Variants in ATP8B4 observed in about 807,000 individuals in gnomAD.
The protein encoded by ATP8B4 is ATPase phospholipid transporting 8B4 (putative), also known as probable phospholipid-transporting ATPase IM.
ATP8B4 carries 133 observed loss-of-function variants against 145.6 expected under a neutral mutation model. The observed-to-expected ratio is 0.91, with a 90% CI of 0.79 to 1.05. The LOEUF (loss-of-function observed/expected upper bound fraction) is 1.05. Ranked by LOEUF, ATP8B4 falls within the 50% of genes least tolerant of loss-of-function variation. The pLI is 0.00. For missense variants in ATP8B4, 1,458 were observed against 1,425.2 expected, an observed-to-expected ratio of 1.02 and a Z score of -0.37; for synonymous variants, 507 against 492.9, an observed-to-expected ratio of 1.03 and a Z score of -0.38.
At chr15:49,967,568 T>G (rs1020421413) in intron 13 of ATP8B4, among the ~76,000 whole-genome samples, 8 of 151,832 alleles carry the variant, frequency 5.3e-5, no homozygotes, top group African/African-American at 1.9e-4. Flanking sequence ...AAGAAAAGAT[T>G]AGAGAAAAAA....
chr15:49,928,085 C>G (rs1002934844), intron 16 of ATP8B4, among the ~76,000 whole-genome samples: 6 of 152,060 alleles, frequency 3.9e-5, no homozygotes, highest in Non-Finnish European at 7.4e-5. Context: ...TTATAGAAAA[C>G]TTATCATGTG....
intron 9 of ATP8B4, among the ~76,000 whole-genome samples, chr15:49,989,956 A>G (rs2046923690): frequency 6.6e-6 from 1 of 152,206 alleles, no homozygotes; most frequent in Non-Finnish European, 1.5e-5. Context: ...AGAGATGGAT[A>G]GAAAAAATTT....
intron 1 of ATP8B4, 106 bp from the exon 2 acceptor site, chr15:50,107,114 C>T: frequency 1.6e-6 from 1 of 620,260 alleles, no homozygotes; most frequent in Non-Finnish European, 2.6e-6. Context: ...TAGGAAGTCA[C>T]TGACACAGGA....
chr15:49,900,407 T>C (rs1212238850), intron 21 of ATP8B4, among the ~76,000 whole-genome samples: 2 of 152,214 alleles, frequency 1.3e-5, no homozygotes, highest in Admixed American at 1.3e-4. Context: ...CAGAGAAAGA[T>C]GTGAGATTAA....
intron 6 of ATP8B4, among the ~76,000 whole-genome samples, chr15:50,021,405 A>G (rs1257897169): frequency 6.6e-6 from 1 of 152,150 alleles, no homozygotes; most frequent in Non-Finnish European, 1.5e-5. Context: ...ATTCTCTATC[A>G]CTACCTCTAG....
At position 49,876,304 on chromosome 15, in the gene ATP8B4, A is replaced by G; in HGVS notation, c.3001T>C (p.Ser1001Pro). ...YQSFAVTMATSLVIVVSVQIA... is the reference protein window; with the variant it reads ...YQSFAVTMATPLVIVVSVQIA... ...TGCACACTGACCACAATGACCAAAG[A>G]TGTGGCCATGGTAACTGCAAAGGAC... The change falls in exon 25 of 28, where the codon TCT (serine) becomes CCT (proline). Residue 1001 changes from serine to proline, a missense_variant. Physicochemically the swap from Ser to Pro is moderately conservative, Grantham distance 74. Transcript: ENST00000284509. The G allele has an allele frequency of 6.2e-7, 1 of 1,614,082 alleles. No homozygotes were observed. Among genetic ancestry groups the G allele is most frequent in the Non-Finnish European group, 8.5e-7 (1 of 1,179,964 alleles).
rs542452530 is a variant in ATP8B4 at position 49,871,669 on chromosome 15, C to T, written c.3027+4609G>A. Among the ~76,000 whole-genome samples the T allele has an allele frequency of 1.6e-4, 24 of 152,308 alleles. No individual in the cohort carries two copies. The South Asian group carries it at 4.8e-3, about 30-fold the overall frequency. ...CTTCCTTTGCTCAATTTCAACCTCT[C>T]TCCTCATATCCCTTTGCCCCTGTAT... On this transcript the variant is annotated intron_variant, in intron 25 of 27. Coordinates refer to ENST00000284509, the MANE Select transcript of ATP8B4 (RefSeq NM_024837.4).
At chr15:50,137,629 C>T (rs1035625449) in intron 1 of ATP8B4, among the ~76,000 whole-genome samples, 6 of 152,216 alleles carry the variant, frequency 3.9e-5, no homozygotes. Flanking sequence ...TAACAAACAA[C>T]CACGGCACAA....
intron 1 of ATP8B4, among the ~76,000 whole-genome samples, chr15:50,176,102 GTATA>G (rs761439662): frequency 6.7e-6 from 1 of 149,272 alleles, no homozygotes; most frequent in African/African-American, 2.5e-5. Flanking sequence ...TATATAGTGT[GTATA>G]TATATATACT....
intron 25 of ATP8B4, 49 bp downstream of exon 25, chr15:49,876,229 T>G: frequency 1.3e-6 from 2 of 1,575,544 alleles, no homozygotes; most frequent in Non-Finnish European, 1.7e-6. Flanking sequence ...AATGAAATAG[T>G]AAAAGTTGTA....
intron 20 of ATP8B4, among the ~76,000 whole-genome samples, chr15:49,905,740 A>G (rs1379033758): frequency 1.3e-5 from 2 of 152,140 alleles, no homozygotes; most frequent in African/African-American, 2.4e-5. Flanking sequence ...TCATTAAAAA[A>G]GATAATTTTT....
rs577203358 is a variant in ATP8B4 at position 49,978,833 on chromosome 15, T to TGC, written c.1034+783_1034+784insGC. Among the ~76,000 whole-genome samples, 722 of 151,190 alleles carry TGC rather than the reference T, an allele frequency of 4.8e-3. 9 individuals carry two copies. The highest frequency in any genetic ancestry group is 0.017 in the African/African-American group (691 of 41,250). On this transcript the variant is annotated intron_variant, in intron 12 of 27. Coordinates refer to ENST00000284509, the MANE Select transcript of ATP8B4 (RefSeq NM_024837.4). ...AAAGAGGGGTGTGTGTGTGTGTGTGTGTGTATGTGTTCTGTTTGTGTGCAT... is the reference window on the plus strand; with the variant it reads ...AAAGAGGGGTGTGTGTGTGTGTGTGTGCGTGTATGTGTTCTGTTTGTGTGCAT...
At chr15:49,998,037 G>C (rs377142400) in intron 8 of ATP8B4, among the ~76,000 whole-genome samples, 23 of 151,460 alleles carry the variant, frequency 1.5e-4, no homozygotes, top group African/African-American at 5.1e-4. Flanking sequence ...TCAAATAACT[G>C]AAATAGTCAC....
At chr15:49,883,333 T>A (rs1160453266) in intron 23 of ATP8B4, 1 of 152,140 alleles carries the variant, frequency 6.6e-6, no homozygotes, top group Non-Finnish European at 1.5e-5. Context: ...CAAGCTACAC[T>A]TATTTGACAA....
chr15:50,074,816 A>G (rs2054073526), intron 2 of ATP8B4, among the ~76,000 whole-genome samples: 1 of 152,238 alleles, frequency 6.6e-6, no homozygotes, highest in South Asian at 2.1e-4. Flanking sequence ...ATGACAGTGC[A>G]GAATAAAAAT....
At chr15:50,140,894 T>C (rs1019632370) in intron 1 of ATP8B4, among the ~76,000 whole-genome samples, 1 of 152,168 alleles carries the variant, frequency 6.6e-6, no homozygotes, top group African/African-American at 2.4e-5. Flanking sequence ...GTGATTGTAA[T>C]GTGCAGGCAA....
Position 49,953,827 on chromosome 15 carries a change from G to A in ATP8B4, c.1287+8150C>T, listed in dbSNP as rs903915340. Among the ~76,000 whole-genome samples, 4 of 152,318 alleles carry A rather than the reference G, an allele frequency of 2.6e-5. No homozygotes were observed. The South Asian group carries it at 8.3e-4, about 32-fold the overall frequency. ...TAGACTTTGGTGGGTTTGCAAGTGG[G>A]ATCTTCTGATCAGTGGGTTGCACAG... On this transcript the variant is annotated intron_variant, in intron 14 of 27. Transcript: ENST00000284509.
At chr15:50,082,851 A>G (rs776927920) in intron 2 of ATP8B4, among the ~76,000 whole-genome samples, 2 of 152,244 alleles carry the variant, frequency 1.3e-5, no homozygotes, top group Non-Finnish European at 2.9e-5. Context: ...CATTAGGTAC[A>G]TGCTGTTATC....
intron 2 of ATP8B4, among the ~76,000 whole-genome samples, chr15:50,103,202 T>C (rs370926879): frequency 3.9e-5 from 6 of 151,968 alleles, no homozygotes; most frequent in Non-Finnish European, 7.4e-5. Flanking sequence ...GATGCCCATT[T>C]TCACCACTTC....
Sources: gnomAD v4.1 joint callset for allele counts (sites outside exome capture counted in the v4.1 genomes callset) on GRCh38, gnomAD v4.1.1 for gene constraint, MANE v1.5 for transcripts, NCBI Gene and HGNC (gene_info 2026-07-23, HGNC 2026-07-21) for gene names.